The following MGAM2 variants were observed in gnomAD, a reference collection of about 807,000 sequenced individuals.
MGAM2 encodes probable maltase-glucoamylase 2.
A neutral mutation model predicts 96.1 loss-of-function variants in MGAM2; 98 were observed. That is an observed-to-expected ratio of 1.02 (90% CI 0.87 to 1.21). The LOEUF is 1.21. Ranked by LOEUF, MGAM2 falls within the 50% of genes most tolerant of loss-of-function variation. The probability of loss-of-function intolerance (pLI) is 0.00; values close to 1 mark genes in which losing one functional copy is unlikely to be tolerated. For missense variants in MGAM2, 2,055 were observed against 1,182.4 expected, an observed-to-expected ratio of 1.74 and a Z score of -10.82; for synonymous variants, 749 against 414.8, an observed-to-expected ratio of 1.81 and a Z score of -9.79.
Position 142,152,876 on chromosome 7 carries a change from A to G in MGAM2, c.1635-1142A>G, listed in dbSNP as rs138371103. Among the ~76,000 whole-genome samples the G allele has an allele frequency of 8.5e-5, 13 of 152,320 alleles. 1 individual carries two copies. In the East Asian group the frequency reaches 2.5e-3, roughly 29 times the overall value. ...TGCCTATTCAAAAGGTGTCCAGAAT[A>G]AAAGCTAGGCAAACAGCCCACATCC... is the stretch of plus-strand genomic sequence containing the variant. On this transcript the variant is annotated intron_variant, in intron 15 of 47. Coordinates refer to ENST00000477922, the MANE Select transcript of MGAM2 (RefSeq NM_001293626.2).
intron 45 of MGAM2, among the ~76,000 whole-genome samples, chr7:142,205,346 TTATGTGGTAACTC>T (rs1482126199): frequency 6.6e-6 from 1 of 152,160 alleles, no homozygotes; most frequent in African/African-American, 2.4e-5. Context: ...AATTTCTGGC[TTATGTGGTAACTC>T]TATGTTTAAC....
chr7:142,175,522 A>C, intron 31 of MGAM2, 130 bp from the exon 32 acceptor site: 1 of 600,968 alleles, frequency 1.7e-6, no homozygotes, highest in Non-Finnish European at 2.9e-6. Flanking sequence ...GGAAGTAATG[A>C]GATGAGGAAT....
At chr7:142,197,795 T>C (rs3110843) in intron 42 of MGAM2, 67 bp downstream of exon 42, 498,591 of 700,104 alleles carry the variant, frequency 0.71, 178,615 homozygotes, top group African/African-American at 0.79. Flanking sequence ...AAAAGCATTT[T>C]AAAGATCATC....
chr7:142,214,115 T>C (rs753280358), intron 46 of MGAM2, among the ~76,000 whole-genome samples: 3 of 152,192 alleles, frequency 2.0e-5, no homozygotes, highest in African/African-American at 7.2e-5. Flanking sequence ...CACCCTTTCA[T>C]GCTAAAAACA....
chr7:142,130,910 T>C, intron 3 of MGAM2, 38 bp from the exon 4 acceptor site: 1 of 689,068 alleles, frequency 1.5e-6, no homozygotes, highest in South Asian at 1.5e-5. Flanking sequence ...TTTCCTTCCC[T>C]CAGTTTATAT....
Position 142,166,271 on chromosome 7 carries a change from G to A in MGAM2, c.2808+18G>A. Reference sequence around the variant, plus strand: ...TTTGGGAGGTAAATGACCAGAAACAGATTACCTCATTGATTAGGAAGTAAT... The same window carrying A: ...TTTGGGAGGTAAATGACCAGAAACAAATTACCTCATTGATTAGGAAGTAAT... On this transcript the variant is annotated intron_variant, in intron 25 of 47. Coordinates refer to ENST00000477922, the MANE Select transcript of MGAM2 (RefSeq NM_001293626.2). The A allele has an allele frequency of 1.5e-6, 1 of 686,584 alleles. No homozygotes were observed. Among genetic ancestry groups the A allele is most frequent in the Non-Finnish European group, 2.6e-6 (1 of 378,214 alleles). The allele number at this position is 686,584 out of a possible 1,614,324, so 42.5% of individuals were successfully genotyped here.
chr7:142,188,186 C>G (rs1796763718), intron 36 of MGAM2, among the ~76,000 whole-genome samples: 2 of 149,958 alleles, frequency 1.3e-5, no homozygotes, highest in South Asian at 4.2e-4. Context: ...AGAATTAAAA[C>G]CTAGTTTCTG....
intron 34 of MGAM2, among the ~76,000 whole-genome samples, chr7:142,185,787 C>T (rs181483307): frequency 6.6e-6 from 1 of 152,294 alleles, no homozygotes; most frequent in African/African-American, 2.4e-5. Context: ...GATTATAAAG[C>T]TATCTAACCT....
Position 142,201,320 on chromosome 7 carries a change from T to C in MGAM2, c.5137+1352T>C, listed in dbSNP as rs191898965. 6.0e-3 allele frequency among the ~76,000 whole-genome samples: 907 copies of C among 152,108 alleles called. 8 individuals are homozygous for C. Among genetic ancestry groups the C allele is most frequent in the African/African-American group, 0.02 (848 of 41,486 alleles). ...CTTGGCCTCAAGTGATTCACCCACC[T>C]CGGCCTCCCAAAGTGCTGAGATTAC... On this transcript the variant is annotated intron_variant, in intron 45 of 47. Transcript: ENST00000477922.
intron 31 of MGAM2, among the ~76,000 whole-genome samples, chr7:142,175,233 T>C (rs1041386324): frequency 7.2e-5 from 11 of 152,132 alleles, no homozygotes; most frequent in African/African-American, 2.7e-4. Context: ...TATTGAGAGT[T>C]TTTAAAAATC....
At chr7:142,185,395 A>T (rs1046093748) in intron 34 of MGAM2, among the ~76,000 whole-genome samples, 1 of 152,212 alleles carries the variant, frequency 6.6e-6, no homozygotes, top group Non-Finnish European at 1.5e-5. Context: ...ATTTGTTTGA[A>T]CTTTATGACG....
At chr7:142,203,497 A>G (rs1226293662) in intron 45 of MGAM2, among the ~76,000 whole-genome samples, 1 of 152,170 alleles carries the variant, frequency 6.6e-6, no homozygotes, top group Non-Finnish European at 1.5e-5. Flanking sequence ...GAAAAAAACT[A>G]TTCTAAAATT....
intron 33 of MGAM2, 131 bp downstream of exon 33, chr7:142,183,504 T>C (rs1796602142): frequency 5.1e-6 from 3 of 592,746 alleles, no homozygotes; most frequent in Non-Finnish European, 9.0e-6. Flanking sequence ...TGTCCGATGC[T>C]GATTAGCTCA....
intron 35 of MGAM2, 41 bp from the exon 36 acceptor site, chr7:142,187,708 GC>G (rs1563283781): frequency 1.4e-6 from 1 of 699,494 alleles, no homozygotes; most frequent in Admixed American, 2.0e-5. Flanking sequence ...AGGCCATCCT[GC>G]CCCTGACATG....
intron 46 of MGAM2, among the ~76,000 whole-genome samples, chr7:142,217,502 C>T (rs1042460132): frequency 6.6e-6 from 1 of 152,092 alleles, no homozygotes; most frequent in African/African-American, 2.4e-5. Flanking sequence ...AAATAACTTT[C>T]ATAATGCTGG....
At position 142,137,414 on chromosome 7, in the gene MGAM2, C is replaced by T. The variant is rs73158435; in HGVS notation, c.848-19C>T. The T allele has an allele frequency of 0.049, 33,590 of 681,170 alleles. 1,366 individuals carry two copies. The highest frequency in any genetic ancestry group is 0.15 in the African/African-American group (8,503 of 56,012). 42.2% of individuals were successfully genotyped at this position (681,170 alleles called of 1,614,324 possible). ...TTCCAACCATAAGATTCTAATTAAT[C>T]TCATTATAATTTTTTCAGAGGTTAC... On this transcript the variant is annotated intron_variant, in intron 8 of 47. Coordinates refer to ENST00000477922, the MANE Select transcript of MGAM2 (RefSeq NM_001293626.2).
Position 142,171,398 on chromosome 7 carries a change from C to A in MGAM2, c.3309C>A (p.Asn1103Lys). Reference protein sequence around the residue: ...TEHTTFRRNMNWNTWGMFAHD... With the variant: ...TEHTTFRRNMKWNTWGMFAHD... ...ACACGACTTTCAGAAGAAACATGAACTGGAACACATGGGGAATGTTTGCTC... is the reference window on the plus strand; with the variant it reads ...ACACGACTTTCAGAAGAAACATGAAATGGAACACATGGGGAATGTTTGCTC... Residue 1103 changes from asparagine (N) to lysine (K), a missense_variant, in exon 28 of 48, where the codon AAC (asparagine) becomes AAA (lysine). Physicochemically the swap from Asn to Lys is moderately conservative, Grantham distance 94. Transcript: ENST00000477922. 1.4e-6 allele frequency: 1 copy of A among 703,172 alleles called. No individual in the cohort carries two copies. Among genetic ancestry groups the A allele is most frequent in the Non-Finnish European group, 2.6e-6 (1 of 384,924 alleles). The allele number at this position is 703,172 out of a possible 1,614,324, so 43.6% of individuals were successfully genotyped here.
chr7:142,141,731 C>G (rs944109831), intron 12 of MGAM2, among the ~76,000 whole-genome samples: 5 of 151,964 alleles, frequency 3.3e-5, no homozygotes, highest in African/African-American at 1.2e-4. Context: ...AACTCCTGAC[C>G]TCAGGTGATT....
intron 46 of MGAM2, among the ~76,000 whole-genome samples, chr7:142,211,192 A>G (rs942997234): frequency 6.6e-6 from 1 of 152,246 alleles, no homozygotes; most frequent in African/African-American, 2.4e-5. Flanking sequence ...GAAGGTCACC[A>G]ACAGCAAAGA....
Sources: allele counts gnomAD v4.1 joint callset (sites outside exome capture counted in the v4.1 genomes callset), GRCh38; gene constraint gnomAD v4.1.1; transcripts MANE v1.5; gene names NCBI Gene and HGNC (gene_info 2026-07-23, HGNC 2026-07-21).